The following TEX9 variants were observed in gnomAD, a reference collection of about 807,000 sequenced individuals.
The protein encoded by TEX9 is testis-expressed protein 9.
A neutral mutation model predicts 59.6 loss-of-function variants in TEX9; 74 were observed. That is an observed-to-expected ratio of 1.24 (90% CI 1.03 to 1.51). The LOEUF is 1.51. Ranked by LOEUF, TEX9 falls within the 40% of genes most tolerant of loss-of-function variation. The pLI is 0.00. For synonymous variants in TEX9, 186 were observed against 152.2 expected (o/e 1.22, Z -1.64); for missense variants, 522 against 447.8 (o/e 1.17, Z -1.49).
At chr15:56,286,267 G>A (rs1166348121) in intron 1 of TEX9, among the ~76,000 whole-genome samples, 1 of 152,128 alleles carries the variant, frequency 6.6e-6, no homozygotes, top group Non-Finnish European at 1.5e-5. Context: ...AAAGGGAGAT[G>A]TTTCCTAGGC....
chr15:56,257,865 A>G (rs545288133), intron 1 of TEX9, among the ~76,000 whole-genome samples: 1 of 152,086 alleles, frequency 6.6e-6, no homozygotes, highest in African/African-American at 2.4e-5. Flanking sequence ...ATCTTTGCCT[A>G]TGCCTATGTC....
intron 1 of TEX9, among the ~76,000 whole-genome samples, chr15:56,310,163 G>C (rs1357497788): frequency 6.6e-6 from 1 of 152,184 alleles, no homozygotes; most frequent in Admixed American, 6.5e-5. Context: ...CAGGCTCACT[G>C]GCTCACGCCT....
rs1312115858 is a variant in TEX9 at position 56,261,424 on chromosome 15, T to C, written c.-107+17146T>C. Among the ~76,000 whole-genome samples the C allele has an allele frequency of 3.3e-5, 5 of 151,912 alleles. No homozygotes were observed. In the East Asian group the frequency reaches 9.6e-4, roughly 29 times the overall value. On this transcript the variant is annotated intron_variant, in intron 1 of 5. Coordinates refer to the TEX9 transcript ENST00000560827. The stretch of plus-strand genomic sequence containing the variant: ...TAATTTTAACCAAAAAATAATAATA[T>C]AATAATTATTAGGCCAGGCGCAGTG...
At chr15:56,308,940 A>G (rs560377022) in intron 1 of TEX9, among the ~76,000 whole-genome samples, 1 of 152,252 alleles carries the variant, frequency 6.6e-6, no homozygotes, top group East Asian at 1.9e-4. Context: ...CTGCACTATC[A>G]TTAGTGTGGC....
At chr15:56,451,804 A>C in the TEX9 span, among the ~76,000 whole-genome samples, 1 of 152,194 alleles carries the variant, frequency 6.6e-6, no homozygotes, top group East Asian at 1.9e-4. Flanking sequence ...TACATCAAGG[A>C]GCATCTGTAC....
chr15:56,377,982 GGTTTTTGTCCTTCATTCT>G (rs1184814773), intron 3 of TEX9, among the ~76,000 whole-genome samples: 3 of 152,106 alleles, frequency 2.0e-5, no homozygotes, highest in Non-Finnish European at 4.4e-5. Flanking sequence ...ATGATCATAT[GGTTTTTGTCCTTCATTCT>G]GTTGATATGA....
chr15:56,452,522 CTT>C, the TEX9 span, among the ~76,000 whole-genome samples: 74 of 138,836 alleles, frequency 5.3e-4, no homozygotes, highest in Non-Finnish European at 4.9e-4. Flanking sequence ...TTCTTTTTTT[CTT>C]TTTTTTTTTT....
chr15:56,353,937 T>G (rs548149581), intron 1 of TEX9, among the ~76,000 whole-genome samples: 11 of 152,356 alleles, frequency 7.2e-5, no homozygotes, highest in Admixed American at 7.2e-4. Context: ...TTTTCCAGTC[T>G]GCCTATTGCT....
chr15:56,260,597 A>T (rs2044243303), intron 1 of TEX9, among the ~76,000 whole-genome samples: 1 of 152,074 alleles, frequency 6.6e-6, no homozygotes, highest in African/African-American at 2.4e-5. Context: ...AATAAACCAA[A>T]TTGGTTATGA....
chr15:56,294,836 G>T lies in TEX9; in HGVS notation c.-107+50558G>T, dbSNP rs193167546. On this transcript the variant is annotated intron_variant, in intron 1 of 5. Transcript: ENST00000560827. ...TTCACTTAGGGTTAGCTTAGGAACT[G>T]GGGTAGTATATCTATATACCAATTA... Among the ~76,000 whole-genome samples the T allele has an allele frequency of 7.9e-5, 12 of 152,192 alleles. No individual in the cohort carries two copies. The South Asian group carries it at 1.5e-3, about 18-fold the overall frequency.
chr15:56,272,182 A>G (rs1000293298), intron 1 of TEX9, among the ~76,000 whole-genome samples: 2 of 151,942 alleles, frequency 1.3e-5, no homozygotes, highest in Admixed American at 6.6e-5. Context: ...TTTTTAGACT[A>G]TTCACAGTGT....
chr15:56,383,758 C>G (rs2047838454), intron 3 of TEX9, among the ~76,000 whole-genome samples, 194 bp from the exon 4 acceptor site: 1 of 152,138 alleles, frequency 6.6e-6, no homozygotes, highest in South Asian at 2.1e-4. Context: ...AATTTTTTAA[C>G]CCAGAACAAA....
intron 1 of TEX9, among the ~76,000 whole-genome samples, chr15:56,341,019 C>T (rs2046362733): frequency 6.6e-6 from 1 of 152,120 alleles, no homozygotes; most frequent in South Asian, 2.1e-4. Context: ...AGTTGTATTA[C>T]TCCCATCTTG....
Position 56,428,370 on chromosome 15 carries a change from C to A in TEX9, c.1102C>A (p.His368Asn), listed in dbSNP as rs1243851668. ...ATATTGATTTTTTTTTTAACAGATG[C>A]ATATTGAAGCTGCCAAGATGCTATC... is the stretch of plus-strand genomic sequence containing the variant. Residue 368 changes from histidine (H) to asparagine (N), a missense_variant, in exon 12 of 13, where the codon CAT (histidine) becomes AAT (asparagine). Physicochemically the swap from His to Asn is moderately conservative, Grantham distance 68. Transcript: ENST00000352903. 7 of 1,609,082 alleles carry A rather than the reference C, an allele frequency of 4.4e-6. No homozygotes were observed. In the African/African-American group the frequency reaches 9.4e-5, roughly 22 times the overall value.
intron 10 of TEX9, among the ~76,000 whole-genome samples, chr15:56,416,514 T>C (rs996783501): frequency 6.6e-6 from 1 of 151,964 alleles, no homozygotes; most frequent in Non-Finnish European, 1.5e-5. Context: ...ATTGCATTTA[T>C]TGATTTATAC....
chr15:56,266,318 GTTTCT>G (rs1222408154), intron 1 of TEX9, among the ~76,000 whole-genome samples: 8 of 150,064 alleles, frequency 5.3e-5, no homozygotes, highest in African/African-American at 2.0e-4. Context: ...TAGAGATGGG[GTTTCT>G]TTTCTTTTTT....
chr15:56,367,195 G>A (rs1334579055), intron 2 of TEX9, among the ~76,000 whole-genome samples: 1 of 152,098 alleles, frequency 6.6e-6, no homozygotes, highest in African/African-American at 2.4e-5. Flanking sequence ...AGTATTATAT[G>A]GTGGCCAGTT....
intron 10 of TEX9, among the ~76,000 whole-genome samples, chr15:56,422,014 T>C (rs1285987943): frequency 1.4e-4 from 20 of 147,940 alleles, no homozygotes; most frequent in African/African-American, 4.1e-4. Flanking sequence ...ATGGTATTTC[T>C]AGTTCTAGAT....
chr15:56,324,226 C>G (rs555971877), intron 1 of TEX9, among the ~76,000 whole-genome samples: 9 of 150,428 alleles, frequency 6.0e-5, no homozygotes, highest in Non-Finnish European at 1.2e-4. Context: ...CTGAATGCTT[C>G]TAAGTAAATA....
Sources: allele counts gnomAD v4.1 joint callset (sites outside exome capture counted in the v4.1 genomes callset), GRCh38; gene constraint gnomAD v4.1.1; transcripts MANE v1.5; gene names NCBI Gene and HGNC (gene_info 2026-07-23, HGNC 2026-07-21).